Variants in RBFOX1 observed in about 807,000 individuals in gnomAD.
The protein encoded by RBFOX1 is RNA binding protein fox-1 homolog 1.
In RBFOX1, 8 loss-of-function variants were observed where a neutral mutation model predicts 57.7. The ratio of observed to expected loss-of-function variants is 0.14; its 90% CI spans 0.08 to 0.25. The LOEUF (loss-of-function observed/expected upper bound fraction) is 0.25. RBFOX1 is among the 10% of genes least tolerant of loss of function. The pLI, the probability that RBFOX1 is intolerant of heterozygous loss-of-function variation, is 1.00. For synonymous variants in RBFOX1, 326 were observed against 222.4 expected (o/e 1.47, Z -4.15); for missense variants, 611 against 548.5 (o/e 1.11, Z -1.14).
intron 1 of RBFOX1, among the ~76,000 whole-genome samples, chr16:6,096,251 C>T (rs188943952): frequency 0.01 from 1,536 of 152,272 alleles, 12 homozygotes; most frequent in Non-Finnish European, 0.016. Flanking sequence ...GAGAAAAGTT[C>T]TGTCCCAAAG....
intron 1 of RBFOX1, among the ~76,000 whole-genome samples, chr16:5,317,523 C>G (rs1234231541): frequency 6.6e-6 from 1 of 152,134 alleles, no homozygotes; most frequent in Non-Finnish European, 1.5e-5. Context: ...GAACGAGAAT[C>G]GCTTGAATCT....
intron 2 of RBFOX1, among the ~76,000 whole-genome samples, chr16:6,631,016 C>G (rs1352483482): frequency 6.6e-6 from 1 of 152,044 alleles, no homozygotes; most frequent in African/African-American, 2.4e-5. Flanking sequence ...CCTTGGTTGT[C>G]AACCCAGCTG....
chr16:5,548,659 TA>T (rs202126612), intron 2 of RBFOX1, among the ~76,000 whole-genome samples: 3 of 150,864 alleles, frequency 2.0e-5, no homozygotes, highest in East Asian at 3.9e-4. Context: ...TGATTAAAAA[TA>T]AAAAAAAACT....
intron 1 of RBFOX1, among the ~76,000 whole-genome samples, chr16:6,246,445 G>A (rs1464761566): frequency 6.6e-6 from 1 of 152,112 alleles, no homozygotes; most frequent in Non-Finnish European, 1.5e-5. Flanking sequence ...CCCCATGCCA[G>A]CTCCAGCATA....
chr16:7,005,356 G>C (rs1329137186), intron 3 of RBFOX1, among the ~76,000 whole-genome samples: 1 of 152,106 alleles, frequency 6.6e-6, no homozygotes, highest in African/African-American at 2.4e-5. Flanking sequence ...GAAAGACTAA[G>C]TTGACTTATA....
At chr16:5,524,765 T>A (rs140774323) in intron 2 of RBFOX1, among the ~76,000 whole-genome samples, 120 of 152,182 alleles carry the variant, frequency 7.9e-4, no homozygotes, top group Non-Finnish European at 1.4e-3. Context: ...GGTCTTGAAC[T>A]CCTGACCTCA....
chr16:7,468,223 C>A (rs1676956514), intron 4 of RBFOX1, among the ~76,000 whole-genome samples: 1 of 152,180 alleles, frequency 6.6e-6, no homozygotes, highest in Admixed American at 6.5e-5. Flanking sequence ...AATGAGCAAG[C>A]TCCTTTCTGC....
At chr16:6,534,348 C>G (rs2096706544) in intron 2 of RBFOX1, among the ~76,000 whole-genome samples, 1 of 152,000 alleles carries the variant, frequency 6.6e-6, no homozygotes, top group African/African-American at 2.4e-5. Context: ...CTTTATGGTT[C>G]TAGTTTTATG....
At chr16:5,281,378 G>A (rs1403789614) in intron 1 of RBFOX1, among the ~76,000 whole-genome samples, 2 of 152,154 alleles carry the variant, frequency 1.3e-5, no homozygotes, top group Non-Finnish European at 2.9e-5. Context: ...TCCATGTGTT[G>A]ATGAGATGAT....
At chr16:5,680,178 G>T (rs538097884) in intron 3 of RBFOX1, among the ~76,000 whole-genome samples, 13 of 152,314 alleles carry the variant, frequency 8.5e-5, no homozygotes, top group African/African-American at 3.1e-4. Context: ...CACATGAGCT[G>T]TGCTTGCAGG....
At chr16:6,258,621 A>G (rs1336257396) in intron 1 of RBFOX1, among the ~76,000 whole-genome samples, 1 of 152,150 alleles carries the variant, frequency 6.6e-6, no homozygotes, top group South Asian at 2.1e-4. Flanking sequence ...CTGTTTTCCT[A>G]ATTTCATCTT....
At chr16:7,253,123 C>A (rs1002612036) in intron 4 of RBFOX1, among the ~76,000 whole-genome samples, 1 of 152,158 alleles carries the variant, frequency 6.6e-6, no homozygotes, top group African/African-American at 2.4e-5. Context: ...CTAGGTCAAT[C>A]TGTTTGCATT....
chr16:5,789,056 G>T (rs1217626778), intron 3 of RBFOX1, among the ~76,000 whole-genome samples: 1 of 152,098 alleles, frequency 6.6e-6, no homozygotes, highest in Non-Finnish European at 1.5e-5. Flanking sequence ...TGAATGTCCT[G>T]GAGTCCTTGT....
rs192599303 is a variant in RBFOX1, at chr16:7,698,482, C to T, written c.996-10574C>T. On this transcript the variant is annotated intron_variant, in intron 14 of 15. Transcript: ENST00000550418. ...CCAATTAGAAGCAAGTTCAGGGGTACAAGGAGGTGTCACCAGCGCCTTTCA... is the reference window on the plus strand; with the variant it reads ...CCAATTAGAAGCAAGTTCAGGGGTATAAGGAGGTGTCACCAGCGCCTTTCA... Among the ~76,000 whole-genome samples, 316 of 152,168 alleles carry T rather than the reference C, an allele frequency of 2.1e-3. 1 individual carries two copies. The highest frequency in any genetic ancestry group is 7.1e-3 in the African/African-American group (294 of 41,518).
chr16:5,641,393 T>C (rs2048870599), intron 3 of RBFOX1, among the ~76,000 whole-genome samples: 1 of 152,216 alleles, frequency 6.6e-6, no homozygotes, highest in Admixed American at 6.5e-5. Flanking sequence ...CCTGCTGCAG[T>C]GTCCAGTAGT....
intron 4 of RBFOX1, among the ~76,000 whole-genome samples, chr16:7,251,143 C>G (rs12709195): frequency 0.66 from 99,940 of 151,794 alleles, 35,080 homozygotes; most frequent in African/African-American, 0.91. Flanking sequence ...TGTATCCATT[C>G]ACCAACATCT....
intron 1 of RBFOX1, among the ~76,000 whole-genome samples, chr16:6,101,022 G>A (rs916622993): frequency 6.6e-6 from 1 of 152,080 alleles, no homozygotes; most frequent in Non-Finnish European, 1.5e-5. Context: ...GAGTTTTAGG[G>A]TCAGATGTCA....
intron 3 of RBFOX1, among the ~76,000 whole-genome samples, chr16:5,622,508 C>T (rs1456931626): frequency 6.6e-6 from 1 of 152,158 alleles, no homozygotes; most frequent in Non-Finnish European, 1.5e-5. Flanking sequence ...TTCGTTCATG[C>T]CTGTGGAATT....
Position 6,992,606 on chromosome 16 carries a change from A to G in RBFOX1, c.-15-59451A>G, listed in dbSNP as rs551973973. 2.1e-3 allele frequency among the ~76,000 whole-genome samples: 324 copies of G among 152,190 alleles called. 1 individual carries two copies. Among genetic ancestry groups the G allele is most frequent in the African/African-American group, 7.6e-3 (317 of 41,534 alleles). ...TTTCTCTGTGGTGTAAAATGCACATAAAGGACTTAAAAACTAGGTAAGAAG... is the reference window on the plus strand; with the variant it reads ...TTTCTCTGTGGTGTAAAATGCACATGAAGGACTTAAAAACTAGGTAAGAAG... On this transcript the variant is annotated intron_variant, in intron 3 of 15. Coordinates refer to ENST00000550418, the MANE Select transcript of RBFOX1 (RefSeq NM_018723.4).
Sources: gnomAD v4.1 joint callset for allele counts (sites outside exome capture counted in the v4.1 genomes callset) on GRCh38, gnomAD v4.1.1 for gene constraint, MANE v1.5 for transcripts, NCBI Gene and HGNC (gene_info 2026-07-23, HGNC 2026-07-21) for gene names.